CRKL: variants seen among roughly 807,000 people sequenced by gnomAD.
CRKL encodes the protein CRK like proto-oncogene, adaptor protein.
CRKL carries 3 observed loss-of-function variants against 23.0 expected under a neutral mutation model. That is an observed-to-expected ratio of 0.13 (90% CI 0.06 to 0.34). The LOEUF (loss-of-function observed/expected upper bound fraction) is 0.34. CRKL is among the 10% of genes least tolerant of loss of function. The pLI, the probability that CRKL is intolerant of heterozygous loss-of-function variation, is 1.00. For missense variants in CRKL, 256 were observed against 394.5 expected (o/e 0.65, Z 2.97); for synonymous variants, 188 against 160.7 (o/e 1.17, Z -1.28).
chr22:20,944,664 A>G (rs1478883918), intron 2 of CRKL, among the ~76,000 whole-genome samples: 1 of 152,074 alleles, frequency 6.6e-6, no homozygotes, highest in Non-Finnish European at 1.5e-5. Context: ...CGGCCTCCCA[A>G]AGTGCTGGGA....
intron 2 of CRKL, among the ~76,000 whole-genome samples, chr22:20,935,543 G>C (rs1218108469): frequency 7.6e-6 from 1 of 132,218 alleles, no homozygotes; most frequent in African/African-American, 2.9e-5. Context: ...TTTTGAGACA[G>C]AGTCTCGCTC....
intron 1 of CRKL, among the ~76,000 whole-genome samples, chr22:20,926,093 A>G (rs943451890): frequency 2.6e-5 from 4 of 152,214 alleles, no homozygotes; most frequent in African/African-American, 9.6e-5. Context: ...GAGAACAAGT[A>G]TACGAGGTAG....
At chr22:20,944,995 T>C (rs1031588213) in intron 2 of CRKL, among the ~76,000 whole-genome samples, 4 of 151,004 alleles carry the variant, frequency 2.6e-5, no homozygotes, top group African/African-American at 9.9e-5. Flanking sequence ...CTGGAATTAC[T>C]TTCTTTCTTT....
chr22:20,944,244 C>T (rs551441575), intron 2 of CRKL, among the ~76,000 whole-genome samples: 4 of 151,518 alleles, frequency 2.6e-5, no homozygotes, highest in Admixed American at 6.6e-5. Flanking sequence ...CTGTCTCAGC[C>T]TCCCAAAGTG....
At chr22:20,939,365 G>A (rs5761429) in intron 2 of CRKL, among the ~76,000 whole-genome samples, 12,771 of 150,022 alleles carry the variant, frequency 0.085, 591 homozygotes, top group African/African-American at 0.12. Flanking sequence ...CTCAGCCTCC[G>A]GAGTAGCTGG....
chr22:20,936,651 C>T (rs1427853685), intron 2 of CRKL, among the ~76,000 whole-genome samples: 1 of 151,718 alleles, frequency 6.6e-6, no homozygotes, highest in Non-Finnish European at 1.5e-5. Flanking sequence ...ATGCCTGGCC[C>T]TCAAGTTTTT....
At chr22:20,931,193 G>A (rs1377995112) in intron 1 of CRKL, among the ~76,000 whole-genome samples, 1 of 152,076 alleles carries the variant, frequency 6.6e-6, no homozygotes, top group Non-Finnish European at 1.5e-5. Flanking sequence ...ATTGCTTGAG[G>A]CTAGAAGTTC....
intron 2 of CRKL, among the ~76,000 whole-genome samples, chr22:20,947,486 T>C (rs1291370747): frequency 6.6e-6 from 1 of 151,946 alleles, no homozygotes; most frequent in East Asian, 1.9e-4. Context: ...ATTACAGGCA[T>C]CTGCCACCAC....
chr22:20,928,732 G>C (rs1401217430), intron 1 of CRKL, among the ~76,000 whole-genome samples: 1 of 149,412 alleles, frequency 6.7e-6, no homozygotes, highest in Non-Finnish European at 1.5e-5. Context: ...AGGATCGCTT[G>C]AGCCTTGGAG....
chr22:20,921,268 T>C (rs1173517394), intron 1 of CRKL, among the ~76,000 whole-genome samples: 1 of 152,240 alleles, frequency 6.6e-6, no homozygotes, highest in African/African-American at 2.4e-5. Flanking sequence ...GTAACAATAA[T>C]GTCCTACTCG....
At chr22:20,937,435 G>C (rs1921705833) in intron 2 of CRKL, among the ~76,000 whole-genome samples, 1 of 149,234 alleles carries the variant, frequency 6.7e-6, no homozygotes, top group South Asian at 2.2e-4. Context: ...TTGACCTCTG[G>C]CTCTAGGATG....
chr22:20,931,685 G>T (rs1601678312), intron 1 of CRKL, among the ~76,000 whole-genome samples: 2 of 152,118 alleles, frequency 1.3e-5, no homozygotes, highest in Admixed American at 6.5e-5. Context: ...CTACCTCACA[G>T]ACTATTAAAT....
At chr22:20,946,260 C>G (rs1922049247) in intron 2 of CRKL, among the ~76,000 whole-genome samples, 1 of 152,148 alleles carries the variant, frequency 6.6e-6, no homozygotes. Flanking sequence ...AATCAAGTGC[C>G]AGATGCCAGT....
At chr22:20,924,665 GGCAACACGGTGA>G (rs1921128511) in intron 1 of CRKL, among the ~76,000 whole-genome samples, 1 of 151,536 alleles carries the variant, frequency 6.6e-6, no homozygotes, top group South Asian at 2.1e-4. Context: ...GACCAGCCTG[GGCAACACGGTGA>G]AACCCTGTCT....
At chr22:20,946,614 ATCTACCCACATCAAGATTGG>A (rs1483732257) in intron 2 of CRKL, among the ~76,000 whole-genome samples, 4 of 152,016 alleles carry the variant, frequency 2.6e-5, no homozygotes, top group Admixed American at 2.6e-4. Flanking sequence ...CTGAGTTGGT[ATCTACCCACATCAAGATTGG>A]TCTGCCCTCT....
At chr22:20,940,498 C>T (rs539396409) in intron 2 of CRKL, among the ~76,000 whole-genome samples, 1 of 151,622 alleles carries the variant, frequency 6.6e-6, no homozygotes, top group South Asian at 2.1e-4. Flanking sequence ...TAGTCTTGGA[C>T]TCTTACTGCT....
intron 1 of CRKL, among the ~76,000 whole-genome samples, chr22:20,929,813 C>T (rs893960458): frequency 5.3e-5 from 8 of 152,110 alleles, no homozygotes; most frequent in African/African-American, 1.9e-4. Context: ...TTCAACCTTG[C>T]TCAAAGAACA....
chr22:20,923,352 C>T (rs969738542), intron 1 of CRKL, among the ~76,000 whole-genome samples: 2 of 151,710 alleles, frequency 1.3e-5, no homozygotes, highest in African/African-American at 4.8e-5. Context: ...TCTTGGCTCA[C>T]TGCAAGCTCC....
intron 2 of CRKL, among the ~76,000 whole-genome samples, chr22:20,948,121 G>T (rs1427996918): frequency 6.6e-6 from 1 of 152,176 alleles, no homozygotes; most frequent in Non-Finnish European, 1.5e-5. Context: ...TTATTTAATT[G>T]ATTAGGTAGG....
Sources: allele counts gnomAD v4.1 joint callset (sites outside exome capture counted in the v4.1 genomes callset), GRCh38; gene constraint gnomAD v4.1.1; transcripts MANE v1.5; gene names NCBI Gene and HGNC (gene_info 2026-07-23, HGNC 2026-07-21).